Variants in RAP1GAP2 observed in about 807,000 individuals in gnomAD.
RAP1GAP2 encodes the protein rap1 GTPase-activating protein 2.
In RAP1GAP2, 27 loss-of-function variants were observed where a neutral mutation model predicts 95.0. That is an observed-to-expected ratio of 0.28 (90% CI 0.21 to 0.39). The LOEUF (loss-of-function observed/expected upper bound fraction) is 0.39, where lower values mean the gene tolerates loss of function less well. Ranked by LOEUF, RAP1GAP2 falls within the 10% of genes least tolerant of loss-of-function variation. The probability of loss-of-function intolerance (pLI) is 1.00; values close to 1 mark genes in which losing one functional copy is unlikely to be tolerated. For synonymous variants in RAP1GAP2, 373 were observed against 380.9 expected (o/e 0.98, Z 0.24); for missense variants, 771 against 970.0 (o/e 0.79, Z 2.72).
intron 19 of RAP1GAP2, among the ~76,000 whole-genome samples, chr17:3,025,388 A>C (rs558418453): frequency 1.3e-5 from 2 of 152,322 alleles, no homozygotes; most frequent in Admixed American, 1.3e-4. Context: ...AAAAAAGTGC[A>C]TTGAGGACAC....
chr17:2,775,642 T>C (rs1027841374), upstream of RAP1GAP2, among the ~76,000 whole-genome samples: 1 of 152,164 alleles, frequency 6.6e-6, no homozygotes, highest in Non-Finnish European at 1.5e-5. Context: ...CGAAAACTTC[T>C]GTGCAATTAA....
At chr17:2,982,673 G>A (rs2045409724) in intron 10 of RAP1GAP2, among the ~76,000 whole-genome samples, 1 of 151,928 alleles carries the variant, frequency 6.6e-6, no homozygotes, top group Non-Finnish European at 1.5e-5. Context: ...GAATGAGTGG[G>A]GTTTAACCAG....
upstream of RAP1GAP2, among the ~76,000 whole-genome samples, chr17:2,772,862 T>C (rs868303607): frequency 9.7e-3 from 1,439 of 147,662 alleles, 16 homozygotes; most frequent in African/African-American, 0.032. Context: ...TTTCTTTTTT[T>C]TTTTTTTTTT....
At chr17:2,936,461 C>T (rs900249872) in intron 3 of RAP1GAP2, among the ~76,000 whole-genome samples, 5 of 151,942 alleles carry the variant, frequency 3.3e-5, no homozygotes, top group East Asian at 2.0e-4. Flanking sequence ...CACAGACAAA[C>T]GCACTCACCT....
intron 3 of RAP1GAP2, among the ~76,000 whole-genome samples, chr17:2,939,382 G>GC (rs2043406880): frequency 6.6e-6 from 1 of 152,254 alleles, no homozygotes; most frequent in Non-Finnish European, 1.5e-5. Context: ...GAGCCGCCTT[G>GC]CCCGGCGCAC....
intron 1 of RAP1GAP2, among the ~76,000 whole-genome samples, chr17:2,759,117 G>A (rs1038369515): frequency 2.6e-5 from 4 of 152,146 alleles, no homozygotes; most frequent in African/African-American, 9.7e-5. Flanking sequence ...TGGGGCTACA[G>A]GCATGAGCCA....
At chr17:2,881,293 G>T (rs1345782616) in intron 2 of RAP1GAP2, among the ~76,000 whole-genome samples, 1 of 151,926 alleles carries the variant, frequency 6.6e-6, no homozygotes, top group Non-Finnish European at 1.5e-5. Context: ...GTGCCAGTGA[G>T]CATTTCCTTT....
chr17:2,991,324 A>C lies in RAP1GAP2; in HGVS notation c.841A>C (p.Asn281His). 6.2e-7 allele frequency: 1 copy of C among 1,605,884 alleles called. No homozygotes were observed. Among genetic ancestry groups the C allele is most frequent in the Middle Eastern group, 1.7e-4 (1 of 6,054 alleles). The change falls in exon 12 of 25, where the codon AAT (asparagine) becomes CAT (histidine). Residue 281 changes from asparagine to histidine, a missense_variant. Asn to His is a moderately conservative substitution (Grantham distance 68). Coordinates refer to ENST00000254695, the MANE Select transcript of RAP1GAP2 (RefSeq NM_015085.5). ...QTLEEELFGN[N>H]EESPAFKEFL... ...CCTGGAGGAGGAGCTATTTGGGAAC[A>C]ATGAGGAGAGCCCAGCTTTTAAGGA...
intron 22 of RAP1GAP2, 21 bp from the exon 23 acceptor site, chr17:3,030,901 C>G (rs2047269057): frequency 6.3e-7 from 1 of 1,595,150 alleles, no homozygotes; most frequent in Non-Finnish European, 8.6e-7. Context: ...ACCCTCCTTT[C>G]ATGGCCGTTC....
chr17:2,833,779 G>C (rs146194795), intron 2 of RAP1GAP2, among the ~76,000 whole-genome samples: 2 of 151,866 alleles, frequency 1.3e-5, no homozygotes, highest in African/African-American at 4.8e-5. Flanking sequence ...CTAGACTTGA[G>C]TGAATCCTAG....
chr17:2,804,259 G>A (rs1198542942), intron 2 of RAP1GAP2, among the ~76,000 whole-genome samples: 6 of 152,206 alleles, frequency 3.9e-5, no homozygotes, highest in Non-Finnish European at 7.3e-5. Flanking sequence ...CAGCTCTGAC[G>A]ACAGGGGTCT....
intron 19 of RAP1GAP2, among the ~76,000 whole-genome samples, chr17:3,023,026 G>T (rs931736204): frequency 1.3e-5 from 2 of 152,158 alleles, no homozygotes; most frequent in East Asian, 1.9e-4. Context: ...TGATCATGTG[G>T]TTTTTGTTCT....
At position 2,872,211 on chromosome 17, in the gene RAP1GAP2, C is replaced by G. The variant is rs1567728132; in HGVS notation, c.81-33073C>G. On this transcript the variant is annotated intron_variant, in intron 2 of 24. Transcript: ENST00000254695. ...CTTGGATGACAGAATGAGCCTCTGT[C>G]TCAAAAAAAAAAAAAAAAAAAAAGG... Among the ~76,000 whole-genome samples the G allele has an allele frequency of 1.5e-4, 4 of 27,346 alleles. No homozygotes were observed. In the South Asian group the frequency reaches 4.5e-3, roughly 31 times the overall value. 17.9% of individuals were successfully genotyped at this position (27,346 alleles called of 152,430 possible). A position where few individuals can be genotyped will look rare whatever the true frequency, so the allele number is the denominator to read the frequency against.
chr17:2,778,014 C>T (rs1329004091), intron 1 of RAP1GAP2, among the ~76,000 whole-genome samples: 8 of 27,444 alleles, frequency 2.9e-4, no homozygotes, highest in Admixed American at 1.9e-3. Flanking sequence ...GGCTGGGAGG[C>T]GGGGAGGCTG....
chr17:3,018,573 A>G (rs17174684), intron 18 of RAP1GAP2, among the ~76,000 whole-genome samples: 23,654 of 151,878 alleles, frequency 0.16, 1,933 homozygotes, highest in Middle Eastern at 0.22. Flanking sequence ...TTGCTTTGTT[A>G]TTATTAATGG....
rs145796545 is a variant in RAP1GAP2, at chr17:2,990,970, G to A, written c.814-327G>A. 1.5e-3 allele frequency among the ~76,000 whole-genome samples: 230 copies of A among 151,310 alleles called. 4 individuals are homozygous for A. In the East Asian group the frequency reaches 0.044, roughly 29 times the overall value. On this transcript the variant is annotated intron_variant, in intron 11 of 24. Transcript: ENST00000254695. ...AGCGATTCTCCTCTCTCAGTCTCCC[G>A]AGCAGCTGGGATTACAGGCACCCAC...
intron 2 of RAP1GAP2, among the ~76,000 whole-genome samples, chr17:2,862,134 G>T (rs1176476184): frequency 6.6e-6 from 1 of 152,148 alleles, no homozygotes; most frequent in Admixed American, 6.6e-5. Context: ...ACCCGTAGAC[G>T]TGAGAGGGAC....
intron 2 of RAP1GAP2, among the ~76,000 whole-genome samples, chr17:2,888,951 C>A (rs1056047921): frequency 2.0e-5 from 3 of 151,862 alleles, no homozygotes; most frequent in African/African-American, 7.3e-5. Context: ...TGTGAGCCAC[C>A]GTGCCTGGCC....
At chr17:2,847,705 T>A (rs2071650990) in intron 2 of RAP1GAP2, among the ~76,000 whole-genome samples, 1 of 149,488 alleles carries the variant, frequency 6.7e-6, no homozygotes, top group South Asian at 2.1e-4. Flanking sequence ...GGAAGTGGCT[T>A]CAGGAGTAGC....
Sources: allele counts gnomAD v4.1 joint callset (sites outside exome capture counted in the v4.1 genomes callset), GRCh38; gene constraint gnomAD v4.1.1; transcripts MANE v1.5; gene names NCBI Gene and HGNC (gene_info 2026-07-23, HGNC 2026-07-21).